Variants in XPR1 observed in about 807,000 individuals in gnomAD.
XPR1 encodes the protein xenotropic and polytropic retrovirus receptor 1, also known as solute carrier family 53 member 1.
A neutral mutation model predicts 87.5 loss-of-function variants in XPR1; 28 were observed. The observed-to-expected ratio is 0.32, with a 90% CI of 0.24 to 0.44. XPR1 has a LOEUF of 0.44. Among genes scored for constraint, XPR1 ranks in the 20% least tolerant of loss-of-function variants. The pLI is 1.00. For missense variants in XPR1, 559 were observed against 862.3 expected (o/e 0.65, Z 4.41); for synonymous variants, 300 against 306.1 (o/e 0.98, Z 0.21).
chr1:180,843,747 G>A (rs1049683334), intron 11 of XPR1, among the ~76,000 whole-genome samples: 5 of 149,272 alleles, frequency 3.3e-5, no homozygotes, highest in Non-Finnish European at 7.4e-5. Flanking sequence ...CATTTTGGTA[G>A]TCTTATCTCT....
At chr1:180,878,899 C>A (rs1652751197) in intron 13 of XPR1, among the ~76,000 whole-genome samples, 2 of 152,178 alleles carry the variant, frequency 1.3e-5, no homozygotes, top group Admixed American at 6.5e-5. Context: ...AATCTTCTGC[C>A]CTCTTGTCTC....
chr1:180,754,441 T>G (rs993574596), intron 2 of XPR1, among the ~76,000 whole-genome samples: 1 of 152,102 alleles, frequency 6.6e-6, no homozygotes, highest in South Asian at 2.1e-4. Context: ...TGTACTCTTC[T>G]CCTTTCTTGT....
chr1:180,682,788 C>A (rs1228248314), intron 2 of XPR1, among the ~76,000 whole-genome samples: 4 of 151,340 alleles, frequency 2.6e-5, no homozygotes, highest in Admixed American at 1.3e-4. Context: ...AGAGTGGGAC[C>A]AGTAAAACAA....
chr1:180,766,271 C>T (rs996515204), intron 2 of XPR1, among the ~76,000 whole-genome samples: 4 of 152,206 alleles, frequency 2.6e-5, no homozygotes, highest in South Asian at 2.1e-4. Context: ...ATTTTCTGTA[C>T]AGATTGGTGC....
chr1:180,826,234 G>A (rs886267932), intron 9 of XPR1, among the ~76,000 whole-genome samples: 1 of 152,114 alleles, frequency 6.6e-6, no homozygotes, highest in Non-Finnish European at 1.5e-5. Flanking sequence ...CTGTTTACTT[G>A]TAAATTGAGC....
intron 1 of XPR1, among the ~76,000 whole-genome samples, chr1:180,646,635 C>T (rs1002666123): frequency 1.3e-5 from 2 of 152,166 alleles, no homozygotes; most frequent in Non-Finnish European, 2.9e-5. Flanking sequence ...TCTGCTGTCT[C>T]ATCATTGGGT....
intron 1 of XPR1, among the ~76,000 whole-genome samples, chr1:180,659,322 G>C (rs1571690906): frequency 7.6e-6 from 1 of 131,566 alleles, no homozygotes; most frequent in African/African-American, 2.9e-5. Context: ...CCTGTAGTCT[G>C]TCTTCCTTCC....
At chr1:180,675,635 A>G (rs1001744471) in intron 1 of XPR1, among the ~76,000 whole-genome samples, 1 of 152,230 alleles carries the variant, frequency 6.6e-6, no homozygotes, top group Non-Finnish European at 1.5e-5. Flanking sequence ...CGTAATGCAT[A>G]TGAATACACA....
chr1:180,819,679 A>G (rs1332789526), intron 7 of XPR1, among the ~76,000 whole-genome samples: 1 of 152,158 alleles, frequency 6.6e-6, no homozygotes, highest in Admixed American at 6.5e-5. Flanking sequence ...GAAAATTTTG[A>G]TATATTAGAG....
intron 11 of XPR1, among the ~76,000 whole-genome samples, chr1:180,848,530 A>G (rs1343279797): frequency 6.6e-6 from 1 of 152,136 alleles, no homozygotes; most frequent in Non-Finnish European, 1.5e-5. Flanking sequence ...GCCATTGTGT[A>G]TATACACCAC....
At chr1:180,674,650 T>C (rs929203285) in intron 1 of XPR1, among the ~76,000 whole-genome samples, 1 of 152,024 alleles carries the variant, frequency 6.6e-6, no homozygotes, top group African/African-American at 2.4e-5. Flanking sequence ...TGCCTCAGCC[T>C]CCTTAGAAGC....
At chr1:180,765,343 A>G (rs1035790993) in intron 2 of XPR1, among the ~76,000 whole-genome samples, 1 of 152,188 alleles carries the variant, frequency 6.6e-6, no homozygotes, top group Non-Finnish European at 1.5e-5. Context: ...TCTTCTTACT[A>G]ACTTGCTCAT....
intron 2 of XPR1, among the ~76,000 whole-genome samples, chr1:180,766,989 T>A (rs1173064291): frequency 6.6e-6 from 1 of 152,222 alleles, no homozygotes; most frequent in East Asian, 1.9e-4. Context: ...GGTGAAGCTA[T>A]AAAGACATGC....
intron 1 of XPR1, among the ~76,000 whole-genome samples, chr1:180,659,102 CCCTCCCTT>C (rs1453133129): frequency 1.5e-3 from 165 of 108,254 alleles, no homozygotes; most frequent in African/African-American, 6.1e-3. Flanking sequence ...CTCCCTCCCT[CCCTCCCTT>C]CCTCCCTCCC....
intron 2 of XPR1, among the ~76,000 whole-genome samples, chr1:180,768,466 A>T (rs1242470276): frequency 6.6e-6 from 1 of 152,262 alleles, no homozygotes; most frequent in Non-Finnish European, 1.5e-5. Flanking sequence ...TGAAAACATG[A>T]GTACAATTAG....
chr1:180,654,208 C>G (rs760348703), intron 1 of XPR1, among the ~76,000 whole-genome samples: 12 of 152,044 alleles, frequency 7.9e-5, no homozygotes, highest in Non-Finnish European at 1.6e-4. Context: ...GGTCTCAGCT[C>G]TCGTGTGGTC....
chr1:180,694,666 A>G (rs1361939306), intron 2 of XPR1, among the ~76,000 whole-genome samples: 1 of 152,062 alleles, frequency 6.6e-6, no homozygotes, highest in African/African-American at 2.4e-5. Context: ...TAAAGACATA[A>G]AAAAGTGGTG....
rs1191409828 is a variant in XPR1 at position 180,722,761 on chromosome 1, T to C, written c.121+40350T>C. On this transcript the variant is annotated intron_variant, in intron 2 of 14. Coordinates refer to ENST00000367590, the MANE Select transcript of XPR1 (RefSeq NM_004736.4). ...TGTCTCTCTTGCTTTGCTTTCCTTC[T>C]GAAATGATGTTTCCATTTTGGGGAC... 2.6e-5 allele frequency among the ~76,000 whole-genome samples: 4 copies of C among 152,198 alleles called. No individual in the cohort carries two copies. The East Asian group carries it at 7.7e-4, about 29-fold the overall frequency.
At chr1:180,703,812 G>A (rs1002439811) in intron 2 of XPR1, among the ~76,000 whole-genome samples, 1 of 152,074 alleles carries the variant, frequency 6.6e-6, no homozygotes, top group African/African-American at 2.4e-5. Flanking sequence ...TATTTACATT[G>A]ATTAAAACTG....
Sources: allele counts gnomAD v4.1 joint callset (sites outside exome capture counted in the v4.1 genomes callset), GRCh38; gene constraint gnomAD v4.1.1; transcripts MANE v1.5; gene names NCBI Gene and HGNC (gene_info 2026-07-23, HGNC 2026-07-21).